OGG1: variants seen among roughly 807,000 people sequenced by gnomAD.
The protein encoded by OGG1 is N-glycosylase/DNA lyase.
OGG1 carries 35 observed loss-of-function variants against 42.3 expected under a neutral mutation model. The ratio of observed to expected loss-of-function variants is 0.83; its 90% confidence interval spans 0.63 to 1.10. OGG1 has a LOEUF of 1.10. OGG1 is among the 50% of genes least tolerant of loss of function. The pLI is 0.00. For missense variants in OGG1, 484 were observed against 446.7 expected, an observed-to-expected ratio of 1.08 and a Z score of -0.75; for synonymous variants, 189 against 179.0, an observed-to-expected ratio of 1.06 and a Z score of -0.44.
At chr3:9,759,101 G>A, downstream of OGG1, 1 of 1,128,780 alleles carries the variant, frequency 8.9e-7, no homozygotes, top group Non-Finnish European at 1.4e-6. Context: ...AGCCCCTCCA[G>A]TCTGGCCAGG....
At position 9,750,044 on chromosome 3, in the gene OGG1, G is replaced by C. The variant is rs190898102; in HGVS notation, c.-243G>C. ...GGCGGGAGAAGATAAGTCGCAAGGA[G>C]GGGGCGGGACCTACACCTCAGGAAA... On this transcript the variant is annotated 5_prime_UTR_variant, in exon 1 of 7. Transcript: ENST00000344629. 214 of 565,714 alleles carry C rather than the reference G, an allele frequency of 3.8e-4. 2 individuals are homozygous for C. In the East Asian group the frequency reaches 5.4e-3, roughly 14 times the overall value. The allele number at this position is 565,714 out of a possible 1,614,324, so 35.0% of individuals were successfully genotyped here. A position where few individuals can be genotyped will look rare whatever the true frequency, so the allele number is the denominator to read the frequency against.
rs372594517 is a variant in OGG1 at position 9,750,391 on chromosome 3, G to C, written c.105G>C (p.Leu35=). 17 of 1,613,948 alleles carry C rather than the reference G, an allele frequency of 1.1e-5. No individual in the cohort carries two copies. The highest frequency in any genetic ancestry group is 1.4e-5 in the Non-Finnish European group (17 of 1,180,036). ...CGTGCCCTCGCTCTGAGCTGCGCCTGGACCTGGTTCTGCCTTCTGGACAAT... is the reference window on the plus strand; with the variant it reads ...CGTGCCCTCGCTCTGAGCTGCGCCTCGACCTGGTTCTGCCTTCTGGACAAT... ...SIPCPRSELR[L]DLVLPSGQSF... is the part of the protein sequence containing the mutation. The change falls in exon 1 of 7, where the codon CTG becomes CTC. Residue 35 remains leucine, a synonymous_variant. Transcript: ENST00000344629.
At chr3:9,757,631 A>C (rs1421339777), downstream of OGG1, 1 of 1,614,118 alleles carries the variant, frequency 6.2e-7, no homozygotes, top group Non-Finnish European at 8.5e-7. The surrounding 1 kb of genome is among the most constrained non-coding windows in gnomAD (Gnocchi z 4.5). Context: ...CCTGCATGGG[A>C]AGACAGAACA....
At chr3:9,764,560 C>T in intron 7 of OGG1, among the ~76,000 whole-genome samples, 1 of 150,748 alleles carries the variant, frequency 6.6e-6, no homozygotes, top group Non-Finnish European at 1.5e-5. Context: ...GATCTGCCCA[C>T]TTCAGCCTCT....
At chr3:9,770,687 G>T (rs1169900883), downstream of OGG1, among the ~76,000 whole-genome samples, 1 of 152,184 alleles carries the variant, frequency 6.6e-6, no homozygotes, top group African/African-American at 2.4e-5. Context: ...TGATGGCTGG[G>T]GTCCAGGTTA....
In OGG1 at chr3:9,776,310, C is replaced by T. The variant is rs2078362640; in HGVS notation, c.295-5203C>T. Among the ~76,000 whole-genome samples, 5 of 152,216 alleles carry T rather than the reference C, an allele frequency of 3.3e-5. No homozygotes were observed. In the South Asian group the frequency reaches 1.0e-3, roughly 32 times the overall value. On this transcript the variant is annotated intron_variant, in intron 2 of 3. Transcript: ENST00000426518. ...ATCCTCCCTGAAGCCTTTCCTGACC[C>T]TCTAAGCTGTTGTTAAGTCTTTCTC...
At chr3:9,759,869 C>A, downstream of OGG1, 1 of 1,549,060 alleles carries the variant, frequency 6.5e-7, no homozygotes. Context: ...CCAAATCAGT[C>A]CATGCCCCAC....
At chr3:9,784,646 C>T (rs1575298445) in intron 3 of OGG1, among the ~76,000 whole-genome samples, 1 of 152,088 alleles carries the variant, frequency 6.6e-6, no homozygotes, top group East Asian at 1.9e-4. Flanking sequence ...GGGAGGATCA[C>T]CTGAGGTCAG....
chr3:9,765,129 A>C lies in OGG1; in HGVS notation c.1049-680A>C, dbSNP rs1386597259. Among the ~76,000 whole-genome samples, 3 of 151,868 alleles carry C rather than the reference A, an allele frequency of 2.0e-5. No individual in the cohort carries two copies. The South Asian group carries it at 6.2e-4, about 32-fold the overall frequency. ...GTAATCCCAGCTACTAGGGAGGCTG[A>C]AGCAAGAGAATTGCTTGAACCCAAG... On this transcript the variant is annotated intron_variant, in intron 7 of 7. Coordinates refer to the OGG1 transcript ENST00000302008.
intron 7 of OGG1, chr3:9,763,052 C>T: frequency 6.2e-7 from 1 of 1,614,134 alleles, no homozygotes; most frequent in Non-Finnish European, 8.5e-7. Context: ...CACCCGACAC[C>T]CTGCAGCAGG....
intron 2 of OGG1, 97 bp downstream of exon 2, chr3:9,751,289 T>C: frequency 4.0e-6 from 5 of 1,258,352 alleles, no homozygotes; most frequent in Non-Finnish European, 5.7e-6. Context: ...TTATATCTAC[T>C]TCATAGGCTT....
chr3:9,775,881 C>G (rs2078357258), intron 2 of OGG1, among the ~76,000 whole-genome samples: 1 of 152,168 alleles, frequency 6.6e-6, no homozygotes, highest in Admixed American at 6.5e-5. Flanking sequence ...CTCAGATGAT[C>G]CGCCTTCCTT....
At chr3:9,784,801 T>A (rs1575298757) in intron 3 of OGG1, among the ~76,000 whole-genome samples, 1 of 151,512 alleles carries the variant, frequency 6.6e-6, no homozygotes, top group South Asian at 2.1e-4. Context: ...GAGGCGGAGG[T>A]TGCAGTGAGC....
downstream of OGG1, chr3:9,759,599 T>C (rs1169082923): frequency 6.2e-6 from 10 of 1,614,038 alleles, no homozygotes; most frequent in African/African-American, 1.2e-4. Flanking sequence ...ATGTGGTGGG[T>C]TGCCTATGAG....
chr3:9,765,964 T>C, exon 8 of OGG1: 2 of 1,614,188 alleles, frequency 1.2e-6, no homozygotes, highest in Admixed American at 1.7e-5. Context: ...CCATTCCCTA[T>C]GGGTTCTGTG....
chr3:9,789,643 C>T (rs200251712), downstream of OGG1: 35 of 1,611,408 alleles, frequency 2.2e-5, no homozygotes, highest in Non-Finnish European at 2.3e-5. Flanking sequence ...CCTGAGTGGG[C>T]GCCCCTGCCC....
At chr3:9,755,069 C>T (rs993171295) in intron 4 of OGG1, among the ~76,000 whole-genome samples, 184 bp downstream of exon 4, 6 of 152,132 alleles carry the variant, frequency 3.9e-5, no homozygotes, top group Non-Finnish European at 7.4e-5. Context: ...AAGGATATAG[C>T]CCTTTGAATG....
downstream of OGG1, chr3:9,760,251 AAG>A (rs1203486634): frequency 5.4e-6 from 1 of 185,686 alleles, no homozygotes; most frequent in Non-Finnish European, 1.1e-5. Flanking sequence ...TCAAAAAAGA[AAG>A]AAAAAAAAAA....
At chr3:9,769,632 A>C (rs2078255683), downstream of OGG1, among the ~76,000 whole-genome samples, 1 of 150,960 alleles carries the variant, frequency 6.6e-6, no homozygotes. Context: ...TCTATTACCC[A>C]CTCAGTGTCC....
Sources: allele counts gnomAD v4.1 joint callset (sites outside exome capture counted in the v4.1 genomes callset), GRCh38; gene constraint gnomAD v4.1.1; non-coding constraint Gnocchi (gnomAD v3.1); transcripts MANE v1.5; gene names NCBI Gene and HGNC (gene_info 2026-07-23, HGNC 2026-07-21).